UMODL1: variants seen among roughly 807,000 people sequenced by gnomAD.
UMODL1 encodes the protein uromodulin-like 1.
Under a neutral mutation model 136.3 loss-of-function variants are expected in UMODL1, and 128 were observed. The ratio of observed to expected loss-of-function variants is 0.94; its 90% CI spans 0.81 to 1.09. The LOEUF is 1.09. Among genes scored for constraint, UMODL1 ranks in the 50% least tolerant of loss-of-function variants. UMODL1 has a pLI of 0.00. For synonymous variants in UMODL1, 721 were observed against 720.0 expected (o/e 1.00, Z -0.02); for missense variants, 1,766 against 1,725.6 (o/e 1.02, Z -0.41).
chr21:42,079,283 T>C (rs1424607009), intron 2 of UMODL1, among the ~76,000 whole-genome samples: 2 of 152,178 alleles, frequency 1.3e-5, no homozygotes, highest in East Asian at 3.8e-4. Flanking sequence ...GGGAGGCCTC[T>C]CCCCACCACC....
chr21:42,063,718 C>T (rs564216976), intron 1 of UMODL1, among the ~76,000 whole-genome samples: 4 of 152,342 alleles, frequency 2.6e-5, no homozygotes, highest in South Asian at 4.1e-4. Flanking sequence ...CCCAACTGGC[C>T]GCTTGCTTGT....
intron 10 of UMODL1, 38 bp downstream of exon 10, chr21:42,109,737 C>T (rs916717777): frequency 1.9e-6 from 3 of 1,592,168 alleles, no homozygotes; most frequent in Non-Finnish European, 2.6e-6. Flanking sequence ...GGGAAGACCC[C>T]CTGCCCGAGA....
At chr21:42,111,154 C>G (rs111772429) in intron 11 of UMODL1, 33 bp downstream of exon 11, 61,732 of 1,588,734 alleles carry the variant, frequency 0.039, 1,412 homozygotes, top group Middle Eastern at 0.072. Context: ...TGGGGATGGA[C>G]CAGGGGAGCC....
intron 21 of UMODL1, 111 bp downstream of exon 21, chr21:42,129,908 T>C: frequency 1.3e-6 from 1 of 779,966 alleles, no homozygotes; most frequent in South Asian, 2.2e-5. Context: ...CTTGAGAGAC[T>C]TCTAAGAGGC....
At chr21:42,117,295 G>A (rs1275464869) in intron 14 of UMODL1, among the ~76,000 whole-genome samples, 2 of 152,166 alleles carry the variant, frequency 1.3e-5, no homozygotes, top group African/African-American at 4.8e-5. Context: ...TCCTTGTTAT[G>A]GCTGGGGCAT....
At chr21:42,140,839 A>G (rs2067272177) in intron 22 of UMODL1, among the ~76,000 whole-genome samples, 1 of 152,148 alleles carries the variant, frequency 6.6e-6, no homozygotes, top group African/African-American at 2.4e-5. Context: ...GCGAAGTTTC[A>G]GTTCAACTTT....
rs746845482 is a variant in UMODL1 at position 42,099,074 on chromosome 21, C to G, written c.1080C>G (p.Ser360Arg). 6.8e-6 allele frequency: 11 copies of G among 1,614,206 alleles called. No homozygotes were observed. Among genetic ancestry groups the G allele is most frequent in the Non-Finnish European group, 9.3e-6 (11 of 1,180,040 alleles). ...TGCTCAGGAGCGCCAGGACACAGAGCCAGGCACTGGCAGTGGCTGGGCTGG... is the reference window on the plus strand; with the variant it reads ...TGCTCAGGAGCGCCAGGACACAGAGGCAGGCACTGGCAGTGGCTGGGCTGG... ...MELLRSARTQ[S>R]QALAVAGLEA... Residue 360 changes from serine (S) to arginine (R), a missense_variant, in exon 7 of 23, where the codon AGC becomes AGG. Coordinates refer to ENST00000408910, the MANE Select transcript of UMODL1 (RefSeq NM_001004416.3). The surrounding 1 kb of genome is among the most constrained non-coding windows in gnomAD (Gnocchi z 4.1).
At position 42,123,126 on chromosome 21, in the gene UMODL1, C is replaced by A. The variant is rs764446073; in HGVS notation, c.3123C>A (p.Ser1041Arg). 1 of 1,613,474 alleles carries A rather than the reference C, an allele frequency of 6.2e-7. No homozygotes were observed. The highest frequency in any genetic ancestry group is 8.5e-7 in the Non-Finnish European group (1 of 1,179,636). ...ACGTGCTCCTGGAGGCCGGCTGGAG[C>A]GAGTGTGGGACCCTCATGCAGAGCG... ...GTHVLLEAGWSECGTLMQSNM... is the reference protein window; with the variant it reads ...GTHVLLEAGWRECGTLMQSNM... The change falls in exon 17 of 23, where the codon AGC (serine) becomes AGA (arginine). Residue 1041 changes from serine to arginine, a missense_variant. Ser to Arg is a moderately radical substitution (Grantham distance 110). Coordinates refer to ENST00000408910, the MANE Select transcript of UMODL1 (RefSeq NM_001004416.3). The surrounding 1 kb of genome is among the most constrained non-coding windows in gnomAD (Gnocchi z 4.4).
At position 42,085,217 on chromosome 21, in the gene UMODL1, C is replaced by A. The variant is rs886634066; in HGVS notation, c.482-74C>A. On this transcript the variant is annotated intron_variant, in intron 3 of 22. Coordinates refer to ENST00000408910, the MANE Select transcript of UMODL1 (RefSeq NM_001004416.3). This position sits in a 1 kb window ranked among gnomAD's most constrained non-coding sequence, Gnocchi z 4.5. The stretch of plus-strand genomic sequence containing the variant: ...GGCCTCTGGTTCCCTCTCCTGCCCC[C>A]TCTCCCACCCCAGCAGCTTTTGTGA... 2 of 1,562,756 alleles carry A rather than the reference C, an allele frequency of 1.3e-6. No homozygotes were observed. Among genetic ancestry groups the A allele is most frequent in the Non-Finnish European group, 8.7e-7 (1 of 1,151,404 alleles).
At chr21:42,124,674 G>C (rs1381424503) in intron 17 of UMODL1, among the ~76,000 whole-genome samples, 1 of 152,078 alleles carries the variant, frequency 6.6e-6, no homozygotes, top group Non-Finnish European at 1.5e-5. Context: ...TCTCCTAATG[G>C]GGACATTGTC....
intron 14 of UMODL1, among the ~76,000 whole-genome samples, chr21:42,118,004 G>A (rs890533459): frequency 6.6e-6 from 1 of 152,186 alleles, no homozygotes; most frequent in African/African-American, 2.4e-5. Context: ...GAAGTAGGAT[G>A]TTAAGAGAAA....
chr21:42,128,149 A>C, intron 20 of UMODL1: 1 of 450,196 alleles, frequency 2.2e-6, no homozygotes, highest in Non-Finnish European at 4.2e-6. Context: ...TTCTAAGGTG[A>C]TTTATAGGTG....
At chr21:42,079,659 GC>G (rs1317909591) in intron 2 of UMODL1, among the ~76,000 whole-genome samples, 1 of 152,214 alleles carries the variant, frequency 6.6e-6, no homozygotes, top group African/African-American at 2.4e-5. Context: ...TTTCTAAGAG[GC>G]CAGGGCAGGA....
chr21:42,086,582 A>G, intron 4 of UMODL1: 1 of 455,610 alleles, frequency 2.2e-6, no homozygotes, highest in South Asian at 1.6e-5. Context: ...CTGAAGCCAC[A>G]CTGCCTGGCC....
At chr21:42,112,165 C>A (rs910371529) in intron 12 of UMODL1, among the ~76,000 whole-genome samples, 1 of 151,886 alleles carries the variant, frequency 6.6e-6, no homozygotes, top group African/African-American at 2.4e-5. Context: ...GTTCTGCACC[C>A]CTCAGCTGTT....
At position 42,109,549 on chromosome 21, in the gene UMODL1, C is replaced by T. The variant is rs374298550; in HGVS notation, c.1520-13C>T. On this transcript the variant is annotated splice_polypyrimidine_tract_variant and intron_variant, in intron 9 of 22. Coordinates refer to ENST00000408910, the MANE Select transcript of UMODL1 (RefSeq NM_001004416.3). The stretch of plus-strand genomic sequence containing the variant: ...GTTTTCTCATGGGTTTTGATTGTGT[C>T]TCCCCCTGGCAGACTGGGACGAGTG... The T allele has an allele frequency of 3.7e-5, 60 of 1,609,372 alleles. No homozygotes were observed. In the African/African-American group the frequency reaches 7.3e-4, roughly 20 times the overall value.
chr21:42,119,071 T>G, intron 14 of UMODL1, 40 bp from the exon 15 acceptor site: 1 of 1,594,576 alleles, frequency 6.3e-7, no homozygotes, highest in Non-Finnish European at 8.6e-7. Flanking sequence ...CTGTTTCCTC[T>G]CAGCGTGGGG....
At chr21:42,071,929 T>C (rs1456929936) in intron 1 of UMODL1, among the ~76,000 whole-genome samples, 1 of 149,438 alleles carries the variant, frequency 6.7e-6, no homozygotes, top group East Asian at 1.9e-4. Flanking sequence ...ACACTTGTGG[T>C]CCCAGCTACA....
At chr21:42,078,056 C>T (rs554345590) in intron 2 of UMODL1, among the ~76,000 whole-genome samples, 7 of 152,292 alleles carry the variant, frequency 4.6e-5, no homozygotes, top group South Asian at 2.1e-4. Context: ...CTGATGGTTT[C>T]GGGTGTGCTG....
Sources: gnomAD v4.1 joint callset for allele counts (sites outside exome capture counted in the v4.1 genomes callset) on GRCh38, gnomAD v4.1.1 for gene constraint, Gnocchi (gnomAD v3.1) non-coding constraint, MANE v1.5 for transcripts, NCBI Gene and HGNC (gene_info 2026-07-23, HGNC 2026-07-21) for gene names.